Variants in ADAMTSL1 observed in about 807,000 individuals in gnomAD.
The protein encoded by ADAMTSL1 is ADAMTS-like protein 1.
In ADAMTSL1, 126 loss-of-function variants were observed where a neutral mutation model predicts 201.8. That is an observed-to-expected ratio of 0.62 (90% confidence interval 0.54 to 0.72). The LOEUF is 0.72. Ranked by LOEUF, ADAMTSL1 falls within the 30% of genes least tolerant of loss-of-function variation. ADAMTSL1 has a pLI of 0.00. For synonymous variants in ADAMTSL1, 1,121 were observed against 903.4 expected (o/e 1.24, Z -4.32); for missense variants, 2,679 against 2,277.8 (o/e 1.18, Z -3.59).
chr9:18,898,107 T>G (rs1333569195), intron 26 of ADAMTSL1, among the ~76,000 whole-genome samples: 1 of 151,992 alleles, frequency 6.6e-6, no homozygotes, highest in Admixed American at 6.5e-5. Flanking sequence ...GAGAATCACT[T>G]GAACCCAGGA....
intron 2 of ADAMTSL1, among the ~76,000 whole-genome samples, chr9:18,397,293 T>C (rs1193861987): frequency 6.6e-6 from 1 of 152,202 alleles, no homozygotes; most frequent in Non-Finnish European, 1.5e-5. Context: ...AAGGAAATCC[T>C]GCCTCGTGGT....
intron 1 of ADAMTSL1, among the ~76,000 whole-genome samples, chr9:18,086,979 T>G (rs1194449239): frequency 1.3e-5 from 2 of 152,194 alleles, no homozygotes; most frequent in African/African-American, 4.8e-5. Context: ...CAATAATCTA[T>G]TATATAACTC....
chr9:18,033,505 A>C (rs1172075552), intron 1 of ADAMTSL1, among the ~76,000 whole-genome samples: 1 of 152,210 alleles, frequency 6.6e-6, no homozygotes, highest in Non-Finnish European at 1.5e-5. Flanking sequence ...GTCAGCTTCA[A>C]ATACATATAC....
At chr9:18,428,033 C>G (rs113907042) in intron 2 of ADAMTSL1, among the ~76,000 whole-genome samples, 63 of 152,338 alleles carry the variant, frequency 4.1e-4, no homozygotes, top group African/African-American at 1.4e-3. Flanking sequence ...TCCACCTATC[C>G]TGTGTTTCCC....
chr9:18,541,595 A>G (rs566277747), intron 3 of ADAMTSL1, among the ~76,000 whole-genome samples: 2 of 152,252 alleles, frequency 1.3e-5, no homozygotes, highest in South Asian at 4.1e-4. Context: ...AATCCCATGG[A>G]TAATGAGGAC....
At chr9:18,512,607 G>C (rs1818101689) in intron 2 of ADAMTSL1, among the ~76,000 whole-genome samples, 1 of 151,998 alleles carries the variant, frequency 6.6e-6, no homozygotes, top group African/African-American at 2.4e-5. Context: ...AGAGTCTCAA[G>C]AATTTACCAA....
In ADAMTSL1 at chr9:18,680,358, G is replaced by T. The variant is rs569257136; in HGVS notation, c.1183G>T (p.Gly395Cys). 3 of 1,614,112 alleles carry T rather than the reference G, an allele frequency of 1.9e-6. No individual in the cohort carries two copies. The highest frequency in any genetic ancestry group is 2.5e-6 in the Non-Finnish European group (3 of 1,180,012). The change falls in exon 11 of 29, where the codon GGC becomes TGC. Residue 395 changes from glycine to cysteine, a missense_variant. Gly to Cys is a radical substitution (Grantham distance 159). Coordinates refer to ENST00000380548, the MANE Select transcript of ADAMTSL1 (RefSeq NM_001040272.6). The part of the protein sequence containing the change: ...WTACSSSCGG[G>C]IQSRAVSCVE... ...CGCGTGCTCCTCCTCGTGTGGGGGGGGCATCCAGAGCCGGGCAGTTTCCTG... is the reference window on the plus strand; with the variant it reads ...CGCGTGCTCCTCCTCGTGTGGGGGGTGCATCCAGAGCCGGGCAGTTTCCTG...
At chr9:18,102,249 C>G (rs1372272062) in intron 1 of ADAMTSL1, among the ~76,000 whole-genome samples, 1 of 151,856 alleles carries the variant, frequency 6.6e-6, no homozygotes, top group Non-Finnish European at 1.5e-5. Context: ...CCATTTATTT[C>G]TTTTTATTTA....
intron 5 of ADAMTSL1, among the ~76,000 whole-genome samples, chr9:18,626,860 T>C (rs1826399231): frequency 1.5e-5 from 2 of 133,790 alleles, no homozygotes; most frequent in African/African-American, 6.2e-5. Flanking sequence ...TCTTTCTTTC[T>C]TTCTTTCTGT....
intron 23 of ADAMTSL1, among the ~76,000 whole-genome samples, chr9:18,830,494 G>A (rs2131265819): frequency 6.6e-6 from 1 of 152,212 alleles, no homozygotes; most frequent in African/African-American, 2.4e-5. Flanking sequence ...ACTCCTCAAG[G>A]CAAGTGCTGA....
At chr9:18,251,733 C>T (rs1392313117) in intron 2 of ADAMTSL1, among the ~76,000 whole-genome samples, 1 of 152,088 alleles carries the variant, frequency 6.6e-6, no homozygotes, top group African/African-American at 2.4e-5. Context: ...TATAACCCTA[C>T]TACAAACCAA....
At chr9:17,974,611 C>T (rs1033324162) in intron 1 of ADAMTSL1, among the ~76,000 whole-genome samples, 1 of 151,942 alleles carries the variant, frequency 6.6e-6, no homozygotes, top group South Asian at 2.1e-4. Flanking sequence ...TGAGATCATA[C>T]AGTATTTATC....
chr9:18,775,125 C>T (rs1354660721), intron 17 of ADAMTSL1, among the ~76,000 whole-genome samples: 2 of 151,990 alleles, frequency 1.3e-5, no homozygotes, highest in Non-Finnish European at 2.9e-5. Context: ...ACTTATATTT[C>T]CCAAATGGAC....
chr9:18,721,284 C>T (rs1017076990), intron 14 of ADAMTSL1, among the ~76,000 whole-genome samples: 12 of 152,188 alleles, frequency 7.9e-5, no homozygotes, highest in African/African-American at 1.7e-4. Context: ...AGGTAGCAGC[C>T]TCTCTTCTGT....
intron 2 of ADAMTSL1, among the ~76,000 whole-genome samples, chr9:18,366,627 ATTTTTTT>A (rs772034324): frequency 4.4e-5 from 5 of 112,822 alleles, no homozygotes; most frequent in African/African-American, 6.9e-5. Context: ...GAAATCACTA[ATTTTTTT>A]TTTTTTTTTT....
At chr9:18,265,942 A>C (rs990260061) in intron 2 of ADAMTSL1, among the ~76,000 whole-genome samples, 2 of 152,350 alleles carry the variant, frequency 1.3e-5, no homozygotes, top group African/African-American at 2.4e-5. Flanking sequence ...TCCTGCCAAC[A>C]GGGACATTTA....
intron 4 of ADAMTSL1, among the ~76,000 whole-genome samples, chr9:18,593,678 G>C (rs753577416): frequency 5.9e-5 from 9 of 151,906 alleles, no homozygotes; most frequent in Non-Finnish European, 1.0e-4. Context: ...TGGTCATTCA[G>C]GAGCATATTG....
In ADAMTSL1 at chr9:18,797,916, C is replaced by G. The variant is rs80125136; in HGVS notation, c.3805+2392C>G. On this transcript the variant is annotated intron_variant, in intron 20 of 28. Transcript: ENST00000380548. The stretch of plus-strand genomic sequence containing the variant: ...TAAAATGTGCAAACCATTATCCCAA[C>G]TCTGCTTCCATGTATCTTTCAGTAT... Among the ~76,000 whole-genome samples, 842 of 152,270 alleles carry G rather than the reference C, an allele frequency of 5.5e-3. 11 individuals carry two copies. The highest frequency in any genetic ancestry group is 0.019 in the African/African-American group (783 of 41,524).
At chr9:18,812,124 G>C (rs1047226591) in intron 20 of ADAMTSL1, among the ~76,000 whole-genome samples, 2 of 152,120 alleles carry the variant, frequency 1.3e-5, no homozygotes, top group Non-Finnish European at 2.9e-5. Flanking sequence ...AAAAAGCAAA[G>C]GAACTAGAAT....
Sources: allele counts gnomAD v4.1 joint callset (sites outside exome capture counted in the v4.1 genomes callset), GRCh38; gene constraint gnomAD v4.1.1; transcripts MANE v1.5; gene names NCBI Gene and HGNC (gene_info 2026-07-23, HGNC 2026-07-21).